PTPRK: variants seen among roughly 807,000 people sequenced by gnomAD.
PTPRK encodes the protein protein tyrosine phosphatase receptor type K, also known as receptor-type tyrosine-protein phosphatase kappa.
A neutral mutation model predicts 178.0 loss-of-function variants in PTPRK; 75 were observed. The ratio of observed to expected loss-of-function variants is 0.42; its 90% CI spans 0.35 to 0.51. PTPRK has a LOEUF of 0.51. Among genes scored for constraint, PTPRK ranks in the 20% least tolerant of loss-of-function variants. PTPRK has a pLI of 0.02. For missense variants in PTPRK, 1,441 were observed against 1,797.8 expected, an observed-to-expected ratio of 0.80 and a Z score of 3.59; for synonymous variants, 637 against 620.6, an observed-to-expected ratio of 1.03 and a Z score of -0.39.
chr6:128,120,645 G>T (rs1032206206), intron 7 of PTPRK, among the ~76,000 whole-genome samples: 3 of 151,904 alleles, frequency 2.0e-5, no homozygotes, highest in African/African-American at 7.2e-5. Flanking sequence ...AGGCAGAAAA[G>T]TATAATATTC....
chr6:128,335,736 T>G (rs1313555387), intron 2 of PTPRK, among the ~76,000 whole-genome samples: 6 of 151,942 alleles, frequency 3.9e-5, no homozygotes, highest in Admixed American at 2.0e-4. Flanking sequence ...TTGCTTTTGG[T>G]CACAAGATCG....
chr6:128,145,063 A>T (rs892655892), intron 7 of PTPRK, among the ~76,000 whole-genome samples: 6 of 152,174 alleles, frequency 3.9e-5, no homozygotes, highest in Non-Finnish European at 7.4e-5. Context: ...CAATAACAAG[A>T]TTTTTCAATT....
intron 5 of PTPRK, among the ~76,000 whole-genome samples, chr6:128,224,306 C>A (rs780158127): frequency 3.9e-5 from 6 of 152,156 alleles, no homozygotes; most frequent in Admixed American, 1.3e-4. Context: ...TACCAAGTAA[C>A]CCTGGGCAAG....
At chr6:128,212,563 G>C (rs943359776) in intron 6 of PTPRK, among the ~76,000 whole-genome samples, 1 of 151,968 alleles carries the variant, frequency 6.6e-6, no homozygotes, top group South Asian at 2.1e-4. Context: ...CTTAGAAAAC[G>C]TGTACAGGCC....
At chr6:128,108,340 A>G (rs1276962262) in intron 7 of PTPRK, among the ~76,000 whole-genome samples, 3 of 152,196 alleles carry the variant, frequency 2.0e-5, no homozygotes, top group African/African-American at 7.2e-5. Context: ...TTGACTGTTG[A>G]TTGTACCTAG....
At chr6:127,988,853 T>C (rs1776267762) in intron 21 of PTPRK, among the ~76,000 whole-genome samples, 3 of 152,170 alleles carry the variant, frequency 2.0e-5, no homozygotes, top group East Asian at 3.9e-4. Flanking sequence ...TCTATTCTAC[T>C]TTTTCTGATT....
At chr6:128,228,515 C>T (rs1284412893) in intron 5 of PTPRK, among the ~76,000 whole-genome samples, 1 of 147,896 alleles carries the variant, frequency 6.8e-6, no homozygotes, top group Non-Finnish European at 1.5e-5. Flanking sequence ...AAAAATTTAG[C>T]TGGGCATGGT....
chr6:128,067,714 A>C lies in PTPRK; in HGVS notation c.1962T>G (p.Val654=), dbSNP rs35130272. ...TCATGGCATTTTGGTATGTGACAGG[A>C]ACCTGGTAGCATTCCATGGCTCCGG... is the stretch of plus-strand genomic sequence containing the variant. The part of the protein sequence containing the change: ...REAGAMECYQ[V]PVTYQNAMSG... Residue 654 remains valine, a synonymous_variant, in exon 12 of 30, where the codon GTT becomes GTG. Transcript: ENST00000368226. 1,694 of 1,613,756 alleles carry C rather than the reference A, an allele frequency of 1.0e-3. 22 individuals carry two copies. The African/African-American group carries it at 0.019, about 18-fold the overall frequency.
At chr6:128,223,875 A>G (rs891624129) in intron 5 of PTPRK, among the ~76,000 whole-genome samples, 2 of 152,162 alleles carry the variant, frequency 1.3e-5, no homozygotes, top group African/African-American at 2.4e-5. Flanking sequence ...CAAAGCTGTT[A>G]TGTTCATTTT....
chr6:128,076,139 C>T (rs1305556581), intron 11 of PTPRK, among the ~76,000 whole-genome samples: 1 of 151,906 alleles, frequency 6.6e-6, no homozygotes, highest in Non-Finnish European at 1.5e-5. Context: ...GCTTCAAGTA[C>T]ATTTGAAGTG....
chr6:128,505,764 C>A (rs1292695007), intron 1 of PTPRK, among the ~76,000 whole-genome samples: 1 of 152,196 alleles, frequency 6.6e-6, no homozygotes, highest in Non-Finnish European at 1.5e-5. Flanking sequence ...AAGCTCGAGT[C>A]TAACATAAAA....
chr6:128,108,063 T>C (rs556516126), intron 7 of PTPRK, among the ~76,000 whole-genome samples: 73 of 138,888 alleles, frequency 5.3e-4, no homozygotes, highest in African/African-American at 1.8e-3. Context: ...AATCCCTAAA[T>C]AGCAAAACAC....
chr6:128,242,441 A>G, intron 4 of PTPRK, 80 bp downstream of exon 4: 1 of 1,543,178 alleles, frequency 6.5e-7, no homozygotes, highest in Non-Finnish European at 8.7e-7. Flanking sequence ...AAACCAAGTG[A>G]TAAACAATCA....
chr6:128,394,068 T>A (rs968809824), intron 2 of PTPRK, among the ~76,000 whole-genome samples: 7 of 152,196 alleles, frequency 4.6e-5, no homozygotes, highest in African/African-American at 1.7e-4. Context: ...CTAATATCAT[T>A]GATTAGTTTT....
chr6:128,452,228 T>A (rs2128406962), intron 1 of PTPRK, among the ~76,000 whole-genome samples: 1 of 152,238 alleles, frequency 6.6e-6, no homozygotes, highest in South Asian at 2.1e-4. Flanking sequence ...CCTTTCACTT[T>A]CTCTGTATTT....
intron 6 of PTPRK, among the ~76,000 whole-genome samples, chr6:128,190,551 T>C (rs1196921949): frequency 7.4e-6 from 1 of 135,316 alleles, no homozygotes; most frequent in Non-Finnish European, 1.5e-5. Context: ...CAGGCTGGAG[T>C]GCAGTGGTGT....
rs901891677 is a variant in PTPRK, at chr6:128,473,597, C to T, written c.100+46662G>A. Among the ~76,000 whole-genome samples, 77 of 151,966 alleles carry T rather than the reference C, an allele frequency of 5.1e-4. 1 individual carries two copies. Among genetic ancestry groups the T allele is most frequent in the Admixed American group, 4.1e-3 (63 of 15,240 alleles). On this transcript the variant is annotated intron_variant, in intron 1 of 29. Coordinates refer to ENST00000368226, the MANE Select transcript of PTPRK (RefSeq NM_002844.4). ...TGGTAATTTTCCTAATTGATTTTTA[C>T]GATCAGAAATCAGATGTTCAGAAAT...
intron 1 of PTPRK, among the ~76,000 whole-genome samples, chr6:128,463,465 G>C (rs569847909): frequency 2.0e-4 from 30 of 152,106 alleles, no homozygotes; most frequent in Non-Finnish European, 3.2e-4. Context: ...AACCACAAAG[G>C]CTTCAATTTA....
chr6:128,017,130 C>T (rs1055057222), intron 13 of PTPRK, among the ~76,000 whole-genome samples: 10 of 152,146 alleles, frequency 6.6e-5, no homozygotes, highest in African/African-American at 2.2e-4. Flanking sequence ...TTTGCCAAAT[C>T]TGCTACTAAG....
Sources: allele counts gnomAD v4.1 joint callset (sites outside exome capture counted in the v4.1 genomes callset), GRCh38; gene constraint gnomAD v4.1.1; transcripts MANE v1.5; gene names NCBI Gene and HGNC (gene_info 2026-07-23, HGNC 2026-07-21).